Variants in LINGO1 observed in about 807,000 individuals in gnomAD.
The protein encoded by LINGO1 is leucine rich repeat and Ig domain containing 1.
Under a neutral mutation model 37.3 loss-of-function variants are expected in LINGO1, and 11 were observed. That is an observed-to-expected ratio of 0.29 (90% CI 0.19 to 0.49). The LOEUF (loss-of-function observed/expected upper bound fraction) is 0.49. Among genes scored for constraint, LINGO1 ranks in the 20% least tolerant of loss-of-function variants. The pLI, the probability that LINGO1 is intolerant of heterozygous loss-of-function variation, is 0.99. For synonymous variants in LINGO1, 387 were observed against 403.0 expected (o/e 0.96, Z 0.48); for missense variants, 585 against 878.2 (o/e 0.67, Z 4.22).
chr15:77,698,926 T>C (rs1380401466), upstream of LINGO1, among the ~76,000 whole-genome samples: 1 of 152,094 alleles, frequency 6.6e-6, no homozygotes, highest in African/African-American at 2.4e-5. Flanking sequence ...ACTGCCCTAG[T>C]GGGTGCCCCG....
intron 1 of LINGO1, among the ~76,000 whole-genome samples, chr15:77,616,650 AGCCTGG>A (rs1467006955): frequency 4.6e-5 from 7 of 152,048 alleles, no homozygotes; most frequent in Admixed American, 3.9e-4. Context: ...ATCCAAATCC[AGCCTGG>A]ACTCCTGGTG....
Position 77,811,403 on chromosome 15 carries a change from G to T in LINGO1, c.-458+8855C>A, listed in dbSNP as rs191150729. Among the ~76,000 whole-genome samples the T allele has an allele frequency of 8.8e-4, 134 of 152,270 alleles. 1 individual carries two copies. The highest frequency in any genetic ancestry group is 2.9e-3 in the African/African-American group (122 of 41,540). On this transcript the variant is annotated intron_variant, in intron 1 of 5. Coordinates refer to the LINGO1 transcript ENST00000562933. Reference sequence around the variant, plus strand: ...TAAGCCAGAGGAACCTGTTCAGAGGGGTCCAGCTCCAGACCACCTCTCCCC... The same window carrying T: ...TAAGCCAGAGGAACCTGTTCAGAGGTGTCCAGCTCCAGACCACCTCTCCCC...
chr15:77,723,861 G>A (rs1288558101), intron 2 of LINGO1, among the ~76,000 whole-genome samples: 3 of 152,132 alleles, frequency 2.0e-5, no homozygotes, highest in East Asian at 1.9e-4. Context: ...GAGCCGAGGC[G>A]GCTGTGAGGT....
intron 3 of LINGO1, among the ~76,000 whole-genome samples, chr15:77,664,170 T>TGTGTGCGCGCGCGCGC: frequency 7.3e-4 from 96 of 130,990 alleles, no homozygotes; most frequent in African/African-American, 3.4e-3. Context: ...TGTGTGTGTG[T>TGTGTGCGCGCGCGCGC]GCGCGCGCGC....
chr15:77,697,062 G>A (rs562320504), upstream of LINGO1, among the ~76,000 whole-genome samples: 3 of 152,378 alleles, frequency 2.0e-5, no homozygotes, highest in East Asian at 1.9e-4. Flanking sequence ...GGAGCAGAGA[G>A]GAGGGCAGGA....
At chr15:77,756,190 C>A (rs927604685) in intron 1 of LINGO1, among the ~76,000 whole-genome samples, 7 of 152,200 alleles carry the variant, frequency 4.6e-5, no homozygotes, top group African/African-American at 1.7e-4. Flanking sequence ...TTCTTCACTG[C>A]AGGGTCCTGA....
intron 1 of LINGO1, among the ~76,000 whole-genome samples, chr15:77,808,465 T>C (rs914961944): frequency 2.0e-5 from 3 of 152,194 alleles, no homozygotes; most frequent in African/African-American, 7.2e-5. Flanking sequence ...ACCCGAATGC[T>C]GGCCTGCCAG....
intron 3 of LINGO1, among the ~76,000 whole-genome samples, chr15:77,654,574 G>A (rs1030330600): frequency 2.0e-5 from 3 of 151,994 alleles, no homozygotes; most frequent in Non-Finnish European, 2.9e-5. Flanking sequence ...CAATGCCCCT[G>A]AAATCCTCTC....
intron 3 of LINGO1, among the ~76,000 whole-genome samples, chr15:77,644,985 C>T (rs1215643210): frequency 2.0e-5 from 3 of 152,126 alleles, no homozygotes; most frequent in African/African-American, 7.2e-5. Flanking sequence ...AAAACATGGG[C>T]GTTTACACTC....
At chr15:77,692,942 G>T (rs1405195024) in intron 1 of LINGO1, among the ~76,000 whole-genome samples, 1 of 152,186 alleles carries the variant, frequency 6.6e-6, no homozygotes, top group Non-Finnish European at 1.5e-5. Context: ...AACACGAAAC[G>T]CCTGTGTGTG....
At chr15:77,638,763 CCTCT>C (rs1318122224), upstream of LINGO1, among the ~76,000 whole-genome samples, 1 of 152,162 alleles carries the variant, frequency 6.6e-6, no homozygotes, top group African/African-American at 2.4e-5. Flanking sequence ...AGTCACTTTA[CCTCT>C]CTGAGTCTCA....
At chr15:77,692,179 C>A (rs1242767501) in intron 1 of LINGO1, among the ~76,000 whole-genome samples, 1 of 152,226 alleles carries the variant, frequency 6.6e-6, no homozygotes, top group Non-Finnish European at 1.5e-5. Context: ...GTGCCAGGAA[C>A]CTTCCTCAGC....
intron 1 of LINGO1, among the ~76,000 whole-genome samples, chr15:77,781,877 C>A (rs1444243128): frequency 7.2e-5 from 11 of 152,248 alleles, no homozygotes; most frequent in Non-Finnish European, 1.6e-4. Flanking sequence ...CTGCTGCCTC[C>A]CAGGTTCCTC....
chr15:77,752,163 G>A (rs1033642057), intron 1 of LINGO1, among the ~76,000 whole-genome samples: 6 of 152,320 alleles, frequency 3.9e-5, no homozygotes, highest in South Asian at 4.1e-4. Flanking sequence ...AGGCCAAGGA[G>A]ATAGCATCCC....
At chr15:77,724,040 G>C (rs535811850) in intron 2 of LINGO1, among the ~76,000 whole-genome samples, 1 of 152,334 alleles carries the variant, frequency 6.6e-6, no homozygotes, top group South Asian at 2.1e-4. Context: ...GTGCGTGTCT[G>C]AGCTGGGCTA....
At chr15:77,797,654 C>G (rs1036141389) in intron 1 of LINGO1, among the ~76,000 whole-genome samples, 4 of 152,350 alleles carry the variant, frequency 2.6e-5, no homozygotes, top group African/African-American at 9.6e-5. Context: ...TCCGCCTTCC[C>G]TGGAGGGCCA....
intron 2 of LINGO1, among the ~76,000 whole-genome samples, chr15:77,702,498 A>T (rs1212461428): frequency 1.3e-5 from 2 of 152,142 alleles, no homozygotes; most frequent in African/African-American, 4.8e-5. Flanking sequence ...CCATTTGGAA[A>T]GCCTCAACAA....
At chr15:77,721,186 A>C (rs1596154632) in intron 2 of LINGO1, among the ~76,000 whole-genome samples, 2 of 150,556 alleles carry the variant, frequency 1.3e-5, no homozygotes, top group African/African-American at 2.5e-5. Context: ...CGCCCCAGTC[A>C]CCCCGCTTCA....
chr15:77,739,883 G>C (rs1392337425), intron 1 of LINGO1, among the ~76,000 whole-genome samples: 1 of 152,234 alleles, frequency 6.6e-6, no homozygotes, highest in Non-Finnish European at 1.5e-5. Flanking sequence ...TCCCCCCAAT[G>C]CATCAGCCAG....
Sources: allele counts gnomAD v4.1 joint callset (sites outside exome capture counted in the v4.1 genomes callset), GRCh38; gene constraint gnomAD v4.1.1; transcripts MANE v1.5; gene names NCBI Gene and HGNC (gene_info 2026-07-23, HGNC 2026-07-21).